The following SLC13A2 variants were observed in gnomAD, a reference collection of about 807,000 sequenced individuals.
SLC13A2 encodes the protein Na(+)-coupled citrate transporter.
A neutral mutation model predicts 58.5 loss-of-function variants in SLC13A2; 40 were observed. The ratio of observed to expected loss-of-function variants is 0.68; its 90% CI spans 0.53 to 0.89. SLC13A2 has a LOEUF of 0.89. SLC13A2 is among the 40% of genes least tolerant of loss of function. The probability of loss-of-function intolerance (pLI) is 0.00; values close to 1 mark genes in which losing one functional copy is unlikely to be tolerated. For synonymous variants in SLC13A2, 341 were observed against 331.6 expected (o/e 1.03, Z -0.31); for missense variants, 694 against 772.6 (o/e 0.90, Z 1.21).
intron 1 of SLC13A2, among the ~76,000 whole-genome samples, chr17:28,480,774 C>T (rs919870501): frequency 2.6e-5 from 4 of 152,178 alleles, no homozygotes; most frequent in African/African-American, 9.7e-5. Flanking sequence ...TGTGTGGATA[C>T]CTCACTTCTT....
chr17:28,495,157 T>G (rs2069114411), intron 9 of SLC13A2, among the ~76,000 whole-genome samples: 1 of 152,054 alleles, frequency 6.6e-6, no homozygotes. Context: ...ATTCCAGACG[T>G]GGGAAGGCAA....
Position 28,489,240 on chromosome 17 carries a change from C to T in SLC13A2, c.129C>T (p.Ile43=). 6.2e-7 allele frequency: 1 copy of T among 1,614,006 alleles called. No individual in the cohort carries two copies. Among genetic ancestry groups the T allele is most frequent in the Non-Finnish European group, 8.5e-7 (1 of 1,180,008 alleles). ...SKEAYCAYAI[I]LMALFWCTEA... ...AGGCCTACTGCGCGTATGCCATCATCCTCATGGCGCTCTTCTGGTGCACTG... is the reference window on the plus strand; with the variant it reads ...AGGCCTACTGCGCGTATGCCATCATTCTCATGGCGCTCTTCTGGTGCACTG... Residue 43 remains isoleucine, a synonymous_variant, in exon 2 of 12, where the codon ATC becomes ATT. Transcript: ENST00000314669.
Position 28,495,234 on chromosome 17 carries a change from C to G in SLC13A2, c.1309-421C>G, listed in dbSNP as rs1364824868. ...CCCATTAGCCTCTTGCAGCCTCTGT[C>G]AGGGTCCTCCCCCAACTTTCCCTCC... On this transcript the variant is annotated intron_variant, in intron 9 of 11. Coordinates refer to ENST00000314669, the MANE Select transcript of SLC13A2 (RefSeq NM_003984.4). Among the ~76,000 whole-genome samples, 4 of 152,216 alleles carry G rather than the reference C, an allele frequency of 2.6e-5. No homozygotes were observed. In the East Asian group the frequency reaches 7.7e-4, roughly 29 times the overall value.
Position 28,490,567 on chromosome 17 carries a change from C to G in SLC13A2, c.345C>G (p.Leu115=), listed in dbSNP as rs781832780. ...LHKRIALRVL[L]IVGVRPAPLI... ...AACGCATCGCCCTCCGTGTCCTCCT[C>G]ATCGTTGGGGTGCGGCCTGCCCCGT... The change falls in exon 3 of 12, where the codon CTC becomes CTG. Residue 115 remains leucine, a synonymous_variant. Transcript: ENST00000314669. The G allele has an allele frequency of 3.1e-6, 5 of 1,606,678 alleles. No homozygotes were observed.
chr17:28,486,492 A>C (rs1236501381), intron 1 of SLC13A2, among the ~76,000 whole-genome samples: 5 of 152,298 alleles, frequency 3.3e-5, no homozygotes, highest in South Asian at 2.1e-4. Flanking sequence ...GCTGCCTAGG[A>C]GGTGGGATGG....
In SLC13A2 at chr17:28,489,396, T is replaced by C. The variant is rs1385869619; in HGVS notation, c.231+54T>C. ...CTGGGCAGTGCGGGAGGCCAGGGGGTGGGTTCCCTCAGCCCTTGTTGACAA... is the reference window on the plus strand; with the variant it reads ...CTGGGCAGTGCGGGAGGCCAGGGGGCGGGTTCCCTCAGCCCTTGTTGACAA... On this transcript the variant is annotated intron_variant, in intron 2 of 11. Coordinates refer to ENST00000314669, the MANE Select transcript of SLC13A2 (RefSeq NM_003984.4). 3.2e-6 allele frequency: 5 copies of C among 1,559,298 alleles called. No homozygotes were observed. The African/African-American group carries it at 6.8e-5, about 21-fold the overall frequency.
intron 1 of SLC13A2, among the ~76,000 whole-genome samples, chr17:28,486,169 G>A (rs2068877242): frequency 6.6e-6 from 1 of 152,116 alleles, no homozygotes; most frequent in Admixed American, 6.5e-5. Context: ...TCTAAAGTTG[G>A]TATAATAACT....
chr17:28,478,552 T>C (rs74939130), intron 1 of SLC13A2, among the ~76,000 whole-genome samples: 5 of 152,168 alleles, frequency 3.3e-5, no homozygotes, highest in Non-Finnish European at 5.9e-5. Context: ...GGTGGAGTTT[T>C]AACAGTCAGA....
Position 28,474,120 on chromosome 17 carries a change from C to T in SLC13A2, c.102+306C>T, listed in dbSNP as rs564024732. 5.9e-5 allele frequency among the ~76,000 whole-genome samples: 9 copies of T among 152,338 alleles called. No individual in the cohort carries two copies. In the East Asian group the frequency reaches 1.5e-3, roughly 26 times the overall value. ...GGGGCAGATGGAGCTGATCTACCTA[C>T]TGTGTGCCCACCTAGCCCTGGACTG... On this transcript the variant is annotated intron_variant, in intron 1 of 11. Coordinates refer to ENST00000314669, the MANE Select transcript of SLC13A2 (RefSeq NM_003984.4).
chr17:28,495,130 C>T (rs1328282289), intron 9 of SLC13A2, among the ~76,000 whole-genome samples: 2 of 152,190 alleles, frequency 1.3e-5, no homozygotes, highest in African/African-American at 4.8e-5. Context: ...AGATTAAGTC[C>T]CACCTTACAG....
rs1218745247 is a variant in SLC13A2 at position 28,483,662 on chromosome 17, C to A, written c.103-5552C>A. ...TTAAAAAAAATTTTTTTTAAAAAAA[C>A]CTTATTCCTACATTTGTTAGCTCTC... On this transcript the variant is annotated intron_variant, in intron 1 of 11. Transcript: ENST00000314669. Among the ~76,000 whole-genome samples, 5 of 152,082 alleles carry A rather than the reference C, an allele frequency of 3.3e-5. No homozygotes were observed. The South Asian group carries it at 6.2e-4, about 19-fold the overall frequency.
At chr17:28,475,808 C>T (rs2068660999) in intron 1 of SLC13A2, among the ~76,000 whole-genome samples, 2 of 152,172 alleles carry the variant, frequency 1.3e-5, no homozygotes, top group Admixed American at 1.3e-4. Context: ...CCTTTCCTGA[C>T]TCTGAGGTTC....
At chr17:28,488,552 C>A (rs953667148) in intron 1 of SLC13A2, among the ~76,000 whole-genome samples, 7 of 152,196 alleles carry the variant, frequency 4.6e-5, no homozygotes, top group Non-Finnish European at 1.0e-4. Flanking sequence ...GGGCTTCATG[C>A]AGGAAAGAGG....
intron 1 of SLC13A2, among the ~76,000 whole-genome samples, chr17:28,484,005 C>T (rs1555601572): frequency 6.6e-6 from 1 of 152,168 alleles, no homozygotes; most frequent in Admixed American, 6.5e-5. Context: ...CTCAGACTCC[C>T]CGAGGGCCAG....
chr17:28,497,040 G>A, intron 11 of SLC13A2, 59 bp from the exon 12 acceptor site: 4 of 1,568,826 alleles, frequency 2.5e-6, no homozygotes, highest in Non-Finnish European at 3.5e-6. Flanking sequence ...AAACACCTGG[G>A]GACTTGGGGG....
rs1375810302 is a variant in SLC13A2, at chr17:28,494,316, C to T, written c.1187-75C>T. The T allele has an allele frequency of 2.5e-6, 4 of 1,613,128 alleles. No individual in the cohort carries two copies. Among genetic ancestry groups the T allele is most frequent in the African/African-American group, 2.7e-5 (2 of 74,926 alleles). ...CGTTAAGCTCCAAAAGGGACCCACA[C>T]AGGGAGCCCGCAAATGGAGAGGGGA... is the stretch of plus-strand genomic sequence containing the variant. On this transcript the variant is annotated intron_variant, in intron 8 of 11. Transcript: ENST00000314669. The surrounding 1 kb of genome is among the most constrained non-coding windows in gnomAD (Gnocchi z 4.0).
At chr17:28,490,229 G>A in intron 2 of SLC13A2, 1 of 1,346,584 alleles carries the variant, frequency 7.4e-7, no homozygotes. Flanking sequence ...AGCTGTGATT[G>A]TGCCACTGCA....
chr17:28,496,500 G>A lies in SLC13A2; in HGVS notation c.1521G>A (p.Leu507=). Residue 507 remains leucine, a synonymous_variant, in exon 11 of 12, where the codon CTG becomes CTA. Coordinates refer to ENST00000314669, the MANE Select transcript of SLC13A2 (RefSeq NM_003984.4). This position sits in a 1 kb window ranked among gnomAD's most constrained non-coding sequence, Gnocchi z 4.2. ...TCTACGTCATGCTCCCCTGCACTCT[G>A]GCCACCTCCCTGGCCTTCATGTTGC... ...HPLYVMLPCT[L]ATSLAFMLPV... The A allele has an allele frequency of 6.2e-7, 1 of 1,612,566 alleles. No homozygotes were observed. The highest frequency in any genetic ancestry group is 8.5e-7 in the Non-Finnish European group (1 of 1,179,276).
chr17:28,490,713 C>T lies in SLC13A2; in HGVS notation c.381C>T (p.Gly127=), dbSNP rs1555603142. The change falls in exon 4 of 12, where the codon GGC becomes GGT. Residue 127 remains glycine (G), a synonymous_variant. Coordinates refer to ENST00000314669, the MANE Select transcript of SLC13A2 (RefSeq NM_003984.4). ...TGCCCATCCCTAGGCTAATCCTGGG[C>T]TTCATGCTGGTCACGGCCTTCCTGT... ...VGVRPAPLIL[G]FMLVTAFLSM... is the part of the protein sequence containing the mutation. 1.2e-6 allele frequency: 2 copies of T among 1,613,478 alleles called. No individual in the cohort carries two copies. Among genetic ancestry groups the T allele is most frequent in the East Asian group, 2.2e-5 (1 of 44,864 alleles).
Sources: allele counts gnomAD v4.1 joint callset (sites outside exome capture counted in the v4.1 genomes callset), GRCh38; gene constraint gnomAD v4.1.1; non-coding constraint Gnocchi (gnomAD v3.1); transcripts MANE v1.5; gene names NCBI Gene and HGNC (gene_info 2026-07-23, HGNC 2026-07-21).